Variants in KHDRBS2 observed in about 807,000 individuals in gnomAD.
KHDRBS2 encodes KH RNA binding domain containing, signal transduction associated 2, also known as KH domain-containing, RNA-binding, signal transduction-associated protein 2.
In KHDRBS2, 26 loss-of-function variants were observed where a neutral mutation model predicts 44.3. The ratio of observed to expected loss-of-function variants is 0.59; its 90% CI spans 0.43 to 0.81. The LOEUF (loss-of-function observed/expected upper bound fraction) is 0.81, where lower values mean the gene tolerates loss of function less well. KHDRBS2 is among the 40% of genes least tolerant of loss of function. The probability of loss-of-function intolerance (pLI) is 0.00; values close to 1 mark genes in which losing one functional copy is unlikely to be tolerated. For synonymous variants in KHDRBS2, 194 were observed against 151.1 expected (o/e 1.28, Z -2.08); for missense variants, 476 against 433.1 (o/e 1.10, Z -0.88).
chr6:62,059,537 A>G (rs1791213094), intron 2 of KHDRBS2, among the ~76,000 whole-genome samples: 1 of 151,740 alleles, frequency 6.6e-6, no homozygotes, highest in Non-Finnish European at 1.5e-5. Context: ...AGTGTGAAGT[A>G]GTAATCAAAA....
At chr6:62,268,263 G>A (rs553911881) in intron 1 of KHDRBS2, among the ~76,000 whole-genome samples, 52 of 152,106 alleles carry the variant, frequency 3.4e-4, no homozygotes, top group South Asian at 1.7e-3. Flanking sequence ...TGCCAGCACT[G>A]ATATATTCTG....
chr6:61,770,002 A>T (rs1247323827), intron 6 of KHDRBS2, among the ~76,000 whole-genome samples: 2 of 152,134 alleles, frequency 1.3e-5, no homozygotes, highest in African/African-American at 4.8e-5. Context: ...CAGAGGAACG[A>T]TCAGGCAGCA....
chr6:62,254,874 T>C (rs1837117560), intron 1 of KHDRBS2, among the ~76,000 whole-genome samples: 1 of 152,026 alleles, frequency 6.6e-6, no homozygotes, highest in South Asian at 2.1e-4. Flanking sequence ...ATAAGAATAA[T>C]ACATCATGAA....
At chr6:62,009,595 G>A (rs1468033986) in intron 3 of KHDRBS2, among the ~76,000 whole-genome samples, 2 of 152,170 alleles carry the variant, frequency 1.3e-5, no homozygotes, top group African/African-American at 2.4e-5. Context: ...AGGCCCAGAG[G>A]CCTAGGAGGA....
chr6:61,746,017 T>A lies in KHDRBS2; in HGVS notation c.811-13253A>T, dbSNP rs1363483244. Among the ~76,000 whole-genome samples the A allele has an allele frequency of 2.6e-5, 4 of 151,986 alleles. No individual in the cohort carries two copies. In the South Asian group the frequency reaches 8.3e-4, roughly 32 times the overall value. ...GTCACTGAGACTTAGTACTTAACGT[T>A]TTTTTCCCAAAAAGATTTTATTTTA... On this transcript the variant is annotated intron_variant, in intron 6 of 8. Transcript: ENST00000281156.
chr6:61,802,030 A>T (rs1191763462), intron 6 of KHDRBS2, among the ~76,000 whole-genome samples: 1 of 152,140 alleles, frequency 6.6e-6, no homozygotes, highest in Non-Finnish European at 1.5e-5. Flanking sequence ...GGCTTTAAAG[A>T]TGGAAAGGGT....
chr6:62,242,448 T>C lies in KHDRBS2; in HGVS notation c.91+43410A>G, dbSNP rs145644661. Among the ~76,000 whole-genome samples, 381 of 152,220 alleles carry C rather than the reference T, an allele frequency of 2.5e-3. 3 individuals are homozygous for C. Among genetic ancestry groups the C allele is most frequent in the African/African-American group, 8.4e-3 (349 of 41,552 alleles). ...ATTACAGGATATTTAGCAGCATCCC[T>C]GGCATCCACTCACTGGCATCAGAAT... On this transcript the variant is annotated intron_variant, in intron 1 of 8. Transcript: ENST00000281156.
chr6:61,705,137 A>C (rs1015128954), intron 7 of KHDRBS2, among the ~76,000 whole-genome samples: 1 of 151,852 alleles, frequency 6.6e-6, no homozygotes, highest in African/African-American at 2.4e-5. Flanking sequence ...ATTATTAAGA[A>C]GCAGGATTTG....
In KHDRBS2 at chr6:61,849,813, C is replaced by G. The variant is rs371627756; in HGVS notation, c.810+44822G>C. ...CAAGGTTTATTAGAACTAATCTTAA[C>G]CTTGTGGTAGAAACAGAAAATAGCA... On this transcript the variant is annotated intron_variant, in intron 6 of 8. Coordinates refer to ENST00000281156, the MANE Select transcript of KHDRBS2 (RefSeq NM_152688.4). Among the ~76,000 whole-genome samples the G allele has an allele frequency of 4.6e-5, 7 of 152,130 alleles. No individual in the cohort carries two copies. In the South Asian group the frequency reaches 1.5e-3, roughly 32 times the overall value.
At chr6:61,853,757 G>A (rs1157171784) in intron 6 of KHDRBS2, among the ~76,000 whole-genome samples, 1 of 152,190 alleles carries the variant, frequency 6.6e-6, no homozygotes, top group Admixed American at 6.6e-5. Context: ...AAAAATCAAG[G>A]TGGATGGTTT....
intron 2 of KHDRBS2, among the ~76,000 whole-genome samples, chr6:62,102,379 C>T (rs1344128434): frequency 6.6e-6 from 1 of 152,188 alleles, no homozygotes; most frequent in African/African-American, 2.4e-5. Flanking sequence ...GTGGCTTCCA[C>T]TGCAGGCACC....
intron 3 of KHDRBS2, among the ~76,000 whole-genome samples, chr6:62,047,215 T>C (rs1404987850): frequency 6.6e-6 from 1 of 151,918 alleles, no homozygotes; most frequent in African/African-American, 2.4e-5. Flanking sequence ...TTGGAATAAA[T>C]CTCTACAAAT....
chr6:62,277,069 T>TA (rs1841053157), intron 1 of KHDRBS2, among the ~76,000 whole-genome samples: 1 of 152,160 alleles, frequency 6.6e-6, no homozygotes, highest in African/African-American at 2.4e-5. Context: ...GAGATGATGA[T>TA]AATGGTAATA....
At chr6:61,974,635 G>T (rs1489653530) in intron 4 of KHDRBS2, among the ~76,000 whole-genome samples, 2 of 151,736 alleles carry the variant, frequency 1.3e-5, no homozygotes, top group African/African-American at 4.8e-5. Flanking sequence ...TATTTGTTTT[G>T]AAAAGACTAT....
chr6:61,670,155 G>T, the KHDRBS2 span, among the ~76,000 whole-genome samples: 1 of 151,072 alleles, frequency 6.6e-6, no homozygotes, highest in African/African-American at 2.4e-5. Context: ...CTTGAGAATG[G>T]ACTACTTTGT....
intron 1 of KHDRBS2, among the ~76,000 whole-genome samples, chr6:62,266,717 A>C (rs1839260614): frequency 6.6e-6 from 1 of 152,032 alleles, no homozygotes; most frequent in Non-Finnish European, 1.5e-5. Flanking sequence ...AAATGAATGA[A>C]GGGCAAACCT....
At chr6:62,059,202 T>TTTTG (rs1791057721) in intron 2 of KHDRBS2, among the ~76,000 whole-genome samples, 1 of 92,158 alleles carries the variant, frequency 1.1e-5, no homozygotes, top group Non-Finnish European at 2.1e-5. Flanking sequence ...TAGGAAGTTT[T>TTTTG]TTTTTTTTTT....
intron 1 of KHDRBS2, among the ~76,000 whole-genome samples, chr6:62,285,450 A>G (rs1202897500): frequency 1.3e-5 from 2 of 152,176 alleles, no homozygotes; most frequent in Non-Finnish European, 2.9e-5. Flanking sequence ...TGCAGCAAAA[A>G]ATAAAAATAA....
At chr6:62,206,442 C>T (rs1412627853) in intron 1 of KHDRBS2, among the ~76,000 whole-genome samples, 1 of 151,824 alleles carries the variant, frequency 6.6e-6, no homozygotes, top group Non-Finnish European at 1.5e-5. Context: ...ATTAATAAGG[C>T]CACTTGTGTT....
Sources: allele counts gnomAD v4.1 joint callset (sites outside exome capture counted in the v4.1 genomes callset), GRCh38; gene constraint gnomAD v4.1.1; transcripts MANE v1.5; gene names NCBI Gene and HGNC (gene_info 2026-07-23, HGNC 2026-07-21).